Variants in NKAIN3 observed in about 807,000 individuals in gnomAD.
NKAIN3 encodes the protein sodium/potassium transporting ATPase interacting 3, also known as sodium/potassium-transporting ATPase subunit beta-1-interacting protein 3.
Under a neutral mutation model 30.2 loss-of-function variants are expected in NKAIN3, and 25 were observed. That is an observed-to-expected ratio of 0.83 (90% CI 0.60 to 1.16). The LOEUF is 1.16. NKAIN3 is among the 50% of genes most tolerant of loss of function. The pLI is 0.00. For missense variants in NKAIN3, 225 were observed against 254.1 expected, an observed-to-expected ratio of 0.89 and a Z score of 0.78; for synonymous variants, 91 against 89.6, an observed-to-expected ratio of 1.02 and a Z score of -0.09.
intron 2 of NKAIN3, among the ~76,000 whole-genome samples, chr8:62,580,994 T>C (rs1396079008): frequency 1.3e-5 from 2 of 149,492 alleles, no homozygotes; most frequent in Admixed American, 1.3e-4. Flanking sequence ...TCCCAGCTAC[T>C]TGGGGGGCCA....
intron 1 of NKAIN3, among the ~76,000 whole-genome samples, chr8:62,480,562 A>G (rs1426074324): frequency 6.6e-6 from 1 of 151,870 alleles, no homozygotes; most frequent in Non-Finnish European, 1.5e-5. Flanking sequence ...AATAGAGAAG[A>G]AAAATGATTT....
intron 1 of NKAIN3, among the ~76,000 whole-genome samples, chr8:62,388,690 A>G (rs1817501057): frequency 6.6e-6 from 1 of 152,252 alleles, no homozygotes. Flanking sequence ...TGTTAAAATT[A>G]AGACATCAGA....
At chr8:62,809,063 T>A (rs1235880882) in intron 4 of NKAIN3, among the ~76,000 whole-genome samples, 4 of 152,194 alleles carry the variant, frequency 2.6e-5, no homozygotes, top group South Asian at 2.1e-4. Flanking sequence ...AAGAATTCAG[T>A]GATATTTCTC....
intron 1 of NKAIN3, among the ~76,000 whole-genome samples, chr8:62,319,366 T>C (rs1585674157): frequency 6.6e-6 from 1 of 152,202 alleles, no homozygotes; most frequent in Non-Finnish European, 1.5e-5. Flanking sequence ...TTTCTTGCCT[T>C]CTGGTAGCTT....
At chr8:62,846,237 A>G (rs1375817286) in intron 4 of NKAIN3, among the ~76,000 whole-genome samples, 1 of 152,186 alleles carries the variant, frequency 6.6e-6, no homozygotes, top group Non-Finnish European at 1.5e-5. Context: ...CTTTGACAGA[A>G]GAATTTTCTT....
chr8:62,512,172 T>G (rs994596086), intron 1 of NKAIN3, among the ~76,000 whole-genome samples: 4 of 152,176 alleles, frequency 2.6e-5, no homozygotes, highest in African/African-American at 9.6e-5. Flanking sequence ...TGAAGAGTTT[T>G]TATCTATGAA....
chr8:62,498,237 A>G (rs1002987096), intron 1 of NKAIN3, among the ~76,000 whole-genome samples: 2 of 152,152 alleles, frequency 1.3e-5, no homozygotes, highest in Non-Finnish European at 2.9e-5. Flanking sequence ...TGAGCAGGGA[A>G]GAATTGGTCT....
chr8:62,300,841 T>C (rs939135618), intron 1 of NKAIN3, among the ~76,000 whole-genome samples: 1 of 152,138 alleles, frequency 6.6e-6, no homozygotes, highest in African/African-American at 2.4e-5. Context: ...ATTTACATGT[T>C]CTTAAATGTG....
chr8:62,810,813 C>T (rs953359404), intron 4 of NKAIN3, among the ~76,000 whole-genome samples: 1 of 151,876 alleles, frequency 6.6e-6, no homozygotes. Context: ...TTAATTTCTT[C>T]CTAATCTTTA....
chr8:62,826,403 G>T (rs74926514), intron 4 of NKAIN3, among the ~76,000 whole-genome samples: 2 of 152,152 alleles, frequency 1.3e-5, no homozygotes, highest in Non-Finnish European at 2.9e-5. Context: ...GCTCAAAAAT[G>T]TGATCATCAT....
intron 1 of NKAIN3, among the ~76,000 whole-genome samples, chr8:62,424,415 T>TA (rs1323143697): frequency 1.3e-5 from 2 of 150,706 alleles, no homozygotes; most frequent in African/African-American, 4.9e-5. Flanking sequence ...TCAGTTAATA[T>TA]AAAAAATCTA....
At chr8:62,837,464 C>T (rs1819401499) in intron 4 of NKAIN3, among the ~76,000 whole-genome samples, 1 of 152,098 alleles carries the variant, frequency 6.6e-6, no homozygotes, top group South Asian at 2.1e-4. Flanking sequence ...TTAGAGTTAT[C>T]TTAAAGTAAT....
At chr8:62,279,310 C>T (rs553758683) in intron 1 of NKAIN3, among the ~76,000 whole-genome samples, 270 of 152,260 alleles carry the variant, frequency 1.8e-3, no homozygotes, top group Non-Finnish European at 3.2e-3. Flanking sequence ...AATTTTCTCC[C>T]ATTCTGTAGG....
intron 4 of NKAIN3, among the ~76,000 whole-genome samples, chr8:62,749,679 C>CTTTTTTTTTTTTTTT (rs35908903): frequency 7.2e-5 from 7 of 97,266 alleles, no homozygotes; most frequent in Admixed American, 1.3e-4. Flanking sequence ...TTTTTCTTTT[C>CTTTTTTTTTTTTTTT]TTTTTTTTTT....
chr8:62,958,122 A>G (rs959604180), intron 6 of NKAIN3, among the ~76,000 whole-genome samples: 1 of 152,130 alleles, frequency 6.6e-6, no homozygotes, highest in East Asian at 1.9e-4. Context: ...TACAGAAGAC[A>G]AAGTTGAAGC....
chr8:62,504,064 C>A (rs1306473099), intron 1 of NKAIN3, among the ~76,000 whole-genome samples: 2 of 152,340 alleles, frequency 1.3e-5, no homozygotes, highest in South Asian at 4.1e-4. Context: ...CGGCGCCAGC[C>A]GGTCCCTCCA....
intron 4 of NKAIN3, among the ~76,000 whole-genome samples, chr8:62,805,704 A>G (rs990288399): frequency 7.2e-5 from 11 of 152,220 alleles, no homozygotes; most frequent in Non-Finnish European, 1.6e-4. Flanking sequence ...AATCCCTAGA[A>G]GAAAACCTAG....
chr8:62,600,679 T>C (rs1810960989), intron 3 of NKAIN3, among the ~76,000 whole-genome samples: 1 of 152,118 alleles, frequency 6.6e-6, no homozygotes, highest in Non-Finnish European at 1.5e-5. Flanking sequence ...TTCTAACTTG[T>C]GGGCATTTTG....
At chr8:62,406,100 G>C (rs1563384064) in intron 1 of NKAIN3, among the ~76,000 whole-genome samples, 1 of 152,120 alleles carries the variant, frequency 6.6e-6, no homozygotes, top group Non-Finnish European at 1.5e-5. Flanking sequence ...ATGAAGTATT[G>C]TTCCAAAGTT....
Sources: allele counts gnomAD v4.1 joint callset (sites outside exome capture counted in the v4.1 genomes callset), GRCh38; gene constraint gnomAD v4.1.1; transcripts MANE v1.5; gene names NCBI Gene and HGNC (gene_info 2026-07-23, HGNC 2026-07-21).